The following KEL variants were observed in gnomAD, a reference collection of about 807,000 sequenced individuals.
The protein encoded by KEL is Kell metallo-endopeptidase (Kell blood group), also known as kell blood group glycoprotein.
A neutral mutation model predicts 99.5 loss-of-function variants in KEL; 96 were observed. That is an observed-to-expected ratio of 0.97 (90% CI 0.82 to 1.14). The LOEUF is 1.14. KEL is among the 50% of genes most tolerant of loss of function. KEL has a pLI of 0.00. For synonymous variants in KEL, 355 were observed against 354.8 expected, an observed-to-expected ratio of 1.00 and a Z score of -0.01; for missense variants, 926 against 924.2, an observed-to-expected ratio of 1.00 and a Z score of -0.03.
At chr7:142,946,536 C>T (rs1796535187) in intron 10 of KEL, 1 of 599,624 alleles carries the variant, frequency 1.7e-6, no homozygotes, top group African/African-American at 1.8e-5. Flanking sequence ...CTGAGTAAAT[C>T]CTTCATGTTA....
At position 142,961,346 on chromosome 7, in the gene KEL, G is replaced by A. The variant is rs1421252926; in HGVS notation, c.223+14C>T. On this transcript the variant is annotated intron_variant, in intron 3 of 18. Transcript: ENST00000355265. ...GAGGGCTGACTAGGTTAGGGGGTCT[G>A]GGATCTTGCTTACGAGGGCCACAGT... 23 of 1,612,868 alleles carry A rather than the reference G, an allele frequency of 1.4e-5. No individual in the cohort carries two copies. Among genetic ancestry groups the A allele is most frequent in the Non-Finnish European group, 1.9e-5 (23 of 1,180,038 alleles).
chr7:142,950,227 C>T (rs896350421), intron 10 of KEL, among the ~76,000 whole-genome samples: 2 of 152,144 alleles, frequency 1.3e-5, no homozygotes, highest in African/African-American at 4.8e-5. Context: ...TTATTTCATA[C>T]AGAGAGAAGC....
intron 18 of KEL, chr7:142,941,997 C>T (rs1179624355): frequency 2.8e-5 from 5 of 178,322 alleles, no homozygotes; most frequent in East Asian, 1.5e-4. Flanking sequence ...TTAGTAGAGA[C>T]GGGGTTTCAC....
At chr7:142,946,654 G>A (rs188191328) in intron 10 of KEL, 3 of 360,034 alleles carry the variant, frequency 8.3e-6, no homozygotes, top group East Asian at 1.2e-4. Context: ...GCAGTCTGAT[G>A]TTCCCCCTGT....
intron 17 of KEL, 67 bp from the exon 18 acceptor site, chr7:142,942,596 C>T (rs1262440211): frequency 1.7e-6 from 2 of 1,202,706 alleles, no homozygotes; most frequent in East Asian, 2.5e-5. Context: ...AGTCCCTCCA[C>T]ACAGTACCCA....
At chr7:142,945,215 G>A (rs991425021) in intron 11 of KEL, among the ~76,000 whole-genome samples, 2 of 152,178 alleles carry the variant, frequency 1.3e-5, no homozygotes, top group Non-Finnish European at 2.9e-5. Context: ...TTCACAACGT[G>A]AGTGTGTACT....
chr7:142,960,890 C>T, intron 4 of KEL, 38 bp downstream of exon 4: 2 of 1,602,056 alleles, frequency 1.2e-6, no homozygotes, highest in Non-Finnish European at 1.7e-6. Context: ...ACAGAGTCAC[C>T]CACTTGCACA....
chr7:142,943,692 T>C (rs571254676), intron 14 of KEL, 91 bp downstream of exon 14: 102 of 1,456,240 alleles, frequency 7.0e-5, no homozygotes, highest in Admixed American at 2.8e-4. Flanking sequence ...TTACTGTTCA[T>C]GCTGCCTGCC....
At chr7:142,958,105 T>C (rs1226776341) in intron 5 of KEL, 132 bp from the exon 6 acceptor site, 1 of 1,330,354 alleles carries the variant, frequency 7.5e-7, no homozygotes, top group Non-Finnish European at 1.1e-6. Flanking sequence ...GGAAGCCACA[T>C]CTATCCTTTT....
At chr7:142,956,800 T>C (rs1796840805) in intron 6 of KEL, among the ~76,000 whole-genome samples, 1 of 152,224 alleles carries the variant, frequency 6.6e-6, no homozygotes, top group African/African-American at 2.4e-5. Flanking sequence ...GAGCAGACTG[T>C]TTAAAACTAA....
chr7:142,943,282 G>T lies in KEL; in HGVS notation c.1765C>A (p.Gln589Lys). 6.2e-7 allele frequency: 1 copy of T among 1,613,830 alleles called. No individual in the cohort carries two copies. Among genetic ancestry groups the T allele is most frequent in the East Asian group, 2.2e-5 (1 of 44,872 alleles). ...MAHELLHIFYQLLLPGGCLAC... is the reference protein window; with the variant it reads ...MAHELLHIFYKLLLPGGCLAC... ...AGTGGCCCCTGTTACCCACAGAGCT[G>T]GTAGAAGATGTGCAACAGCTCGTGG... Residue 589 changes from glutamine (Q) to lysine (K), a missense_variant, in exon 16 of 19, where the codon CAG (glutamine) becomes AAG (lysine). By Grantham distance (53) the Gln-to-Lys change is moderately conservative (BLOSUM62 1). Coordinates refer to ENST00000355265, the MANE Select transcript of KEL (RefSeq NM_000420.3).
chr7:142,956,556 C>T (rs1796835149), intron 6 of KEL, among the ~76,000 whole-genome samples: 1 of 152,066 alleles, frequency 6.6e-6, no homozygotes, highest in African/African-American at 2.4e-5. Flanking sequence ...CACCTTGCCT[C>T]CCAAATCCTC....
chr7:142,947,813 G>A (rs8176012), intron 10 of KEL, among the ~76,000 whole-genome samples: 13,723 of 152,234 alleles, frequency 0.09, 995 homozygotes, highest in African/African-American at 0.21. Context: ...AAGAGCCACC[G>A]CACCTGGCCA....
chr7:142,946,303 T>C lies in KEL; in HGVS notation c.1218A>G (p.Arg406=), dbSNP rs1328913771. ...TEQPPMPARP[R]WMKCVEETGT... ...CTGTCTCCTCCACGCACTTCATCCA[T>C]CGTGGGCGGGCAGGCTATGGAGACA... Residue 406 remains arginine, a synonymous_variant, in exon 11 of 19, where the codon CGA becomes CGG. Coordinates refer to ENST00000355265, the MANE Select transcript of KEL (RefSeq NM_000420.3). 8 of 1,613,702 alleles carry C rather than the reference T, an allele frequency of 5.0e-6. 1 individual carries two copies. The highest frequency in any genetic ancestry group is 3.3e-5 in the Admixed American group (2 of 59,994).
chr7:142,954,154 C>T (rs1359879845), intron 8 of KEL, 30 bp downstream of exon 8: 7 of 1,599,620 alleles, frequency 4.4e-6, no homozygotes, highest in Non-Finnish European at 6.0e-6. Flanking sequence ...TCCCCATGCC[C>T]ACAGTCTTCT....
rs756849056 is a variant in KEL, at chr7:142,943,806, G to C, written c.1569C>G (p.Phe523Leu). 2 of 1,614,200 alleles carry C rather than the reference G, an allele frequency of 1.2e-6. No individual in the cohort carries two copies. Among genetic ancestry groups the C allele is most frequent in the Admixed American group, 1.7e-5 (1 of 60,028 alleles). Residue 523 changes from phenylalanine to leucine, a missense_variant, in exon 14 of 19, where the codon TTC (phenylalanine) becomes TTG (leucine). Transcript: ENST00000355265. ...RSLRARIVQS[F>L]LQPHPQHRWK... ...ACCTGTGTTGGGGGTGAGGCTGCAA[G>C]AAGCTCTGGACAATTCTAGCTCGGA...
intron 10 of KEL, among the ~76,000 whole-genome samples, chr7:142,948,730 A>G (rs974614357): frequency 3.0e-4 from 46 of 152,160 alleles, no homozygotes; most frequent in African/African-American, 1.1e-3. Flanking sequence ...GGAAGCCGCA[A>G]ACTCCAATAG....
rs775530715 is a variant in KEL at position 142,957,886 on chromosome 7, G to C, written c.613C>G (p.Pro205Ala). The change falls in exon 6 of 19, where the codon CCT becomes GCT. Residue 205 changes from proline (P) to alanine (A), a missense_variant. Physicochemically the swap from Pro to Ala is conservative, Grantham distance 27 (BLOSUM62 -1). Transcript: ENST00000355265. The part of the protein sequence containing the change: ...RLLMSQYGHF[P>A]FFRAYLGPHP... ...GGTCCTAGGTAGGCTCTGAAGAAAG[G>C]GAAATGGCCATACTGACTCATCAGA... is the stretch of plus-strand genomic sequence containing the variant. 1 of 1,614,126 alleles carries C rather than the reference G, an allele frequency of 6.2e-7. No homozygotes were observed. Among genetic ancestry groups the C allele is most frequent in the South Asian group, 1.1e-5 (1 of 91,076 alleles).
chr7:142,950,767 A>C (rs1342705874), intron 10 of KEL, among the ~76,000 whole-genome samples: 17 of 152,212 alleles, frequency 1.1e-4, no homozygotes, highest in Non-Finnish European at 7.3e-5. Context: ...TGCCCTTTAT[A>C]AAAAAGTTTT....
Sources: gnomAD v4.1 joint callset for allele counts (sites outside exome capture counted in the v4.1 genomes callset) on GRCh38, gnomAD v4.1.1 for gene constraint, MANE v1.5 for transcripts, NCBI Gene and HGNC (gene_info 2026-07-23, HGNC 2026-07-21) for gene names.